Variants in MUC17 observed in about 807,000 individuals in gnomAD.
MUC17 encodes the protein mucin-17.
MUC17 carries 190 observed loss-of-function variants against 170.3 expected under a neutral mutation model. That is an observed-to-expected ratio of 1.12 (90% confidence interval 0.99 to 1.26). MUC17 has a LOEUF of 1.26. MUC17 is among the 50% of genes most tolerant of loss of function. The pLI is 0.00. For missense variants in MUC17, 6,415 were observed against 5,530.0 expected, an observed-to-expected ratio of 1.16 and a Z score of -5.08; for synonymous variants, 2,325 against 2,002.5, an observed-to-expected ratio of 1.16 and a Z score of -4.30.
chr7:101,036,875 T>A lies in MUC17; in HGVS notation c.5459T>A (p.Val1820Glu). ...AGCACACCTGTCAGCCACACGCTGGTGGCCAATTCTGAGGCTAGCACCCTT... is the reference window on the plus strand; with the variant it reads ...AGCACACCTGTCAGCCACACGCTGGAGGCCAATTCTGAGGCTAGCACCCTT... ...LTSTPVSHTL[V>E]ANSEASTLST... The change falls in exon 3 of 13, where the codon GTG becomes GAG. Residue 1820 changes from valine (V) to glutamate (E), a missense_variant. By Grantham distance (121) the Val-to-Glu change is moderately radical. Coordinates refer to ENST00000306151, the MANE Select transcript of MUC17 (RefSeq NM_001040105.2). 6.2e-7 allele frequency: 1 copy of A among 1,609,430 alleles called. No homozygotes were observed. Among genetic ancestry groups the A allele is most frequent in the Non-Finnish European group, 8.5e-7 (1 of 1,178,372 alleles).
At chr7:101,044,229 G>C (rs1794795587) in intron 3 of MUC17, among the ~76,000 whole-genome samples, 1 of 152,062 alleles carries the variant, frequency 6.6e-6, no homozygotes, top group Non-Finnish European at 1.5e-5. Context: ...CTACAGAATG[G>C]GAGGAAATTT....
intron 7 of MUC17, 46 bp downstream of exon 7, chr7:101,050,681 T>G: frequency 6.3e-7 from 1 of 1,594,202 alleles, no homozygotes; most frequent in East Asian, 2.2e-5. Context: ...GCATCAGAGC[T>G]GGGGCATGAC....
At chr7:101,026,013 G>A (rs1794172905) in intron 1 of MUC17, among the ~76,000 whole-genome samples, 2 of 152,216 alleles carry the variant, frequency 1.3e-5, no homozygotes, top group Admixed American at 6.5e-5. Flanking sequence ...CACGGTAGAT[G>A]TTGTGGAACT....
chr7:101,023,471 C>T (rs969135625), intron 1 of MUC17, among the ~76,000 whole-genome samples: 3 of 152,224 alleles, frequency 2.0e-5, no homozygotes, highest in Admixed American at 6.5e-5. Context: ...ATTGCAACCT[C>T]TGCCTCCCAG....
chr7:101,034,098 A>C lies in MUC17; in HGVS notation c.2682A>C (p.Thr894=), dbSNP rs1794379855. 1 of 1,583,214 alleles carries C rather than the reference A, an allele frequency of 6.3e-7. No homozygotes were observed. ...TLSTTPVDTS[T]PVTNSTEARS... ...CAACAACTCCTGTTGACACCAGCAC[A>C]CCTGTGACCAATTCTACTGAAGCCC... Residue 894 remains threonine, a synonymous_variant, in exon 3 of 13, where the codon ACA becomes ACC. Transcript: ENST00000306151.
rs1794421902 is a variant in MUC17 at position 101,035,096 on chromosome 7, G to A, written c.3680G>A (p.Arg1227Lys). Reference sequence around the variant, plus strand: ...ACTCCATTAACAAGTATGCCTGTCAGACACACGCCAGTGGCCAGTTCTGAG... The same window carrying A: ...ACTCCATTAACAAGTATGCCTGTCAAACACACGCCAGTGGCCAGTTCTGAG... ...RSTPLTSMPV[R>K]HTPVASSEAS... is the part of the protein sequence containing the mutation. The change falls in exon 3 of 13, where the codon AGA (arginine) becomes AAA (lysine). Residue 1227 changes from arginine to lysine, a missense_variant. Physicochemically the swap from Arg to Lys is conservative, Grantham distance 26 (BLOSUM62 2). Transcript: ENST00000306151. The A allele has an allele frequency of 1.2e-6, 2 of 1,611,706 alleles. No homozygotes were observed. The highest frequency in any genetic ancestry group is 3.3e-5 in the Admixed American group (2 of 59,794).
In MUC17 at chr7:101,020,099, G is replaced by C. The variant is rs769701671; in HGVS notation, c.-37G>C. The C allele has an allele frequency of 6.4e-7, 1 of 1,552,512 alleles. No homozygotes were observed. On this transcript the variant is annotated 5_prime_UTR_variant, in exon 1 of 13. Coordinates refer to ENST00000306151, the MANE Select transcript of MUC17 (RefSeq NM_001040105.2). The stretch of plus-strand genomic sequence containing the variant: ...TGAGGCTCATTTCGCCAGCTCCTCT[G>C]GGGGTGACAGGCAAGTGAGACGTGC...
chr7:101,035,729 C>T lies in MUC17; in HGVS notation c.4313C>T (p.Thr1438Ile), dbSNP rs1230977230. The stretch of plus-strand genomic sequence containing the variant: ...TCTGCTGAAGCCACTTCATCTCCTA[C>T]AACTGCTGAAGGTATCAGCATACCA... ...TTSAEATSSP[T>I]TAEGISIPTS... The change falls in exon 3 of 13, where the codon ACA becomes ATA. Residue 1438 changes from threonine to isoleucine, a missense_variant. By Grantham distance (89) the Thr-to-Ile change is moderately conservative (BLOSUM62 -1). Transcript: ENST00000306151. 9.9e-6 allele frequency: 16 copies of T among 1,610,484 alleles called. No homozygotes were observed. The highest frequency in any genetic ancestry group is 1.3e-5 in the African/African-American group (1 of 74,832).
In MUC17 at chr7:101,035,669, C is replaced by A. The variant is rs1392281577; in HGVS notation, c.4253C>A (p.Ala1418Glu). ...AGTTCTGAGGCTAGCACCCTTTCAG[C>A]AACTCCTGTTGACACCAGCACCCCT... ...VVSSEASTLS[A>E]TPVDTSTPGT... Residue 1418 changes from alanine to glutamate, a missense_variant, in exon 3 of 13, where the codon GCA becomes GAA. Transcript: ENST00000306151. 4.4e-6 allele frequency: 7 copies of A among 1,608,374 alleles called. No homozygotes were observed. In the Admixed American group the frequency reaches 1.2e-4, roughly 27 times the overall value.
rs771472869 is a variant in MUC17 at position 101,037,394 on chromosome 7, G to A, written c.5978G>A (p.Ser1993Asn). The A allele has an allele frequency of 6.2e-7, 1 of 1,613,692 alleles. No individual in the cohort carries two copies. Among genetic ancestry groups the A allele is most frequent in the Non-Finnish European group, 8.5e-7 (1 of 1,179,720 alleles). ...GSTPLTSMPL[S>N]TTLVVSSEAS... The stretch of plus-strand genomic sequence containing the variant: ...ACTCCACTAACAAGTATGCCTCTCA[G>A]CACCACGCTGGTGGTCAGTTCTGAG... The change falls in exon 3 of 13, where the codon AGC (serine) becomes AAC (asparagine). Residue 1993 changes from serine (S) to asparagine (N), a missense_variant. Physicochemically the swap from Ser to Asn is conservative, Grantham distance 46. Coordinates refer to ENST00000306151, the MANE Select transcript of MUC17 (RefSeq NM_001040105.2).
chr7:101,033,460 A>G lies in MUC17; in HGVS notation c.2044A>G (p.Thr682Ala). The change falls in exon 3 of 13, where the codon ACT becomes GCT. Residue 682 changes from threonine (T) to alanine (A), a missense_variant. Physicochemically the swap from Thr to Ala is moderately conservative, Grantham distance 58. Transcript: ENST00000306151. The part of the protein sequence containing the change: ...TAEGTSMPTS[T>A]YTEGSTPLTS... Reference sequence around the variant, plus strand: ...GGAAGGTACCAGCATGCCAACCTCAACTTATACTGAAGGAAGCACTCCATT... The same window carrying G: ...GGAAGGTACCAGCATGCCAACCTCAGCTTATACTGAAGGAAGCACTCCATT... The G allele has an allele frequency of 6.2e-7, 1 of 1,613,458 alleles. No homozygotes were observed. Among genetic ancestry groups the G allele is most frequent in the Non-Finnish European group, 8.5e-7 (1 of 1,179,720 alleles).
In MUC17 at chr7:101,032,433, G is replaced by A. The variant is rs538405099; in HGVS notation, c.1017G>A (p.Thr339=). 1.2e-5 allele frequency: 19 copies of A among 1,611,716 alleles called. No homozygotes were observed. Among genetic ancestry groups the A allele is most frequent in the South Asian group, 6.6e-5 (6 of 91,004 alleles). Residue 339 remains threonine (T), a synonymous_variant, in exon 3 of 13, where the codon ACG becomes ACA. Coordinates refer to ENST00000306151, the MANE Select transcript of MUC17 (RefSeq NM_001040105.2). ...AAGGAAGCACTCCATTAACAAGTACGCCTGCCAGCACCATGCCGGTTGCCA... is the reference window on the plus strand; with the variant it reads ...AAGGAAGCACTCCATTAACAAGTACACCTGCCAGCACCATGCCGGTTGCCA... ...YTEGSTPLTS[T]PASTMPVATS...
At position 101,041,343 on chromosome 7, in the gene MUC17, C is replaced by A. The variant is rs1794695477; in HGVS notation, c.9927C>A (p.Ser3309Arg). The change falls in exon 3 of 13, where the codon AGC (serine) becomes AGA (arginine). Residue 3309 changes from serine (S) to arginine (R), a missense_variant. Coordinates refer to ENST00000306151, the MANE Select transcript of MUC17 (RefSeq NM_001040105.2). ...STLSTTPADT[S>R]TPVTTYSQAS... Reference sequence around the variant, plus strand: ...TTTCAACAACTCCTGCTGACACCAGCACACCTGTGACCACTTATTCTCAAG... The same window carrying A: ...TTTCAACAACTCCTGCTGACACCAGAACACCTGTGACCACTTATTCTCAAG... The A allele has an allele frequency of 1.2e-6, 2 of 1,610,986 alleles. No individual in the cohort carries two copies. The highest frequency in any genetic ancestry group is 2.7e-5 in the African/African-American group (2 of 74,558).
Position 101,036,512 on chromosome 7 carries a change from C to A in MUC17, c.5096C>A (p.Thr1699Lys), listed in dbSNP as rs749851043. 2 of 1,607,816 alleles carry A rather than the reference C, an allele frequency of 1.2e-6. No homozygotes were observed. The highest frequency in any genetic ancestry group is 3.4e-5 in the Admixed American group (2 of 59,698). ...RTPLTSITVR[T>K]TPVASSAIST... ...CCTTTAACAAGTATAACTGTCAGAA[C>A]AACACCGGTGGCCAGCTCTGCAATC... Residue 1699 changes from threonine to lysine, a missense_variant, in exon 3 of 13, where the codon ACA becomes AAA. Physicochemically the swap from Thr to Lys is moderately conservative, Grantham distance 78. Coordinates refer to ENST00000306151, the MANE Select transcript of MUC17 (RefSeq NM_001040105.2).
rs946924152 is a variant in MUC17 at position 101,043,455 on chromosome 7, A to T, written c.12039A>T (p.Thr4013=). 4 of 1,614,006 alleles carry T rather than the reference A, an allele frequency of 2.5e-6. No homozygotes were observed. In the Admixed American group the frequency reaches 6.7e-5, roughly 27 times the overall value. The change falls in exon 3 of 13, where the codon ACA becomes ACT. Residue 4013 remains threonine, a synonymous_variant. Coordinates refer to ENST00000306151, the MANE Select transcript of MUC17 (RefSeq NM_001040105.2). ...TYVTMSTAPS[T]PRTTSRGCTT... The stretch of plus-strand genomic sequence containing the variant: ...TGACCATGTCTACTGCCCCCAGCAC[A>T]CCCAGAACAACCAGCAGAGGCTGCA...
At position 101,040,408 on chromosome 7, in the gene MUC17, C is replaced by T. The variant is rs540856466; in HGVS notation, c.8992C>T (p.Pro2998Ser). ...PLTSMSVSTM[P>S]VASSEASTLS... ...AACAAGTATGTCTGTCAGCACCATG[C>T]CGGTGGCCAGTTCTGAGGCTAGCAC... is the stretch of plus-strand genomic sequence containing the variant. Residue 2998 changes from proline to serine, a missense_variant, in exon 3 of 13, where the codon CCG (proline) becomes TCG (serine). Pro to Ser is a moderately conservative substitution (Grantham distance 74, BLOSUM62 -1). Transcript: ENST00000306151. 4.3e-6 allele frequency: 7 copies of T among 1,611,688 alleles called. No individual in the cohort carries two copies. The highest frequency in any genetic ancestry group is 3.4e-5 in the Admixed American group (2 of 59,486).
rs746444914 is a variant in MUC17 at position 101,038,839 on chromosome 7, AC to A, written c.7426del (p.Leu2476PhefsTer12). On this transcript the variant is annotated frameshift_variant, in exon 3 of 13. Coordinates refer to ENST00000306151, the MANE Select transcript of MUC17 (RefSeq NM_001040105.2). LOFTEE classifies it high-confidence loss of function. ...GCCGGTGGTCAGTTCTGAGGCTGGC[AC>A]CCTTTCCACAACTCCTGTTGACACC... is the stretch of plus-strand genomic sequence containing the variant. Reference protein sequence around the residue: ...TTPVVSSEAGTLSTTPVDTST... With the variant: ...TTPVVSSEAGXLSTTPVDTST... 2 of 1,612,744 alleles carry A rather than the reference AC, an allele frequency of 1.2e-6. No individual in the cohort carries two copies. Among genetic ancestry groups the A allele is most frequent in the South Asian group, 1.1e-5 (1 of 90,896 alleles).
In MUC17 at chr7:101,036,276, C is replaced by G. The variant is rs1480523030; in HGVS notation, c.4860C>G (p.Ser1620Arg). 2 of 1,613,950 alleles carry G rather than the reference C, an allele frequency of 1.2e-6. No individual in the cohort carries two copies. The highest frequency in any genetic ancestry group is 1.7e-6 in the Non-Finnish European group (2 of 1,179,974). Residue 1620 changes from serine to arginine, a missense_variant, in exon 3 of 13, where the codon AGC (serine) becomes AGG (arginine). By Grantham distance (110) the Ser-to-Arg change is moderately radical (BLOSUM62 -1). Coordinates refer to ENST00000306151, the MANE Select transcript of MUC17 (RefSeq NM_001040105.2). ...CATCTACAACCGCTGAAGGTAGCAG[C>G]ATGACAATCTCAACTCCTAGTGAAG... The part of the protein sequence containing the change: ...ASSSTTAEGS[S>R]MTISTPSEGS...
At chr7:101,057,412 G>C (rs1419179588) in intron 12 of MUC17, among the ~76,000 whole-genome samples, 3 of 152,164 alleles carry the variant, frequency 2.0e-5, no homozygotes, top group Admixed American at 6.6e-5. Context: ...GGCACAATTG[G>C]TTTGTGCTAG....
Sources: gnomAD v4.1 joint callset for allele counts (sites outside exome capture counted in the v4.1 genomes callset) on GRCh38, gnomAD v4.1.1 for gene constraint, MANE v1.5 for transcripts, NCBI Gene and HGNC (gene_info 2026-07-23, HGNC 2026-07-21) for gene names.